Variants in TANC2 observed in about 807,000 individuals in gnomAD.
The protein encoded by TANC2 is tetratricopeptide repeat, ankyrin repeat and coiled-coil containing 2.
A neutral mutation model predicts 210.5 loss-of-function variants in TANC2; 26 were observed. The ratio of observed to expected loss-of-function variants is 0.12; its 90% CI spans 0.09 to 0.17. The LOEUF is 0.17. Among genes scored for constraint, TANC2 ranks in the 10% least tolerant of loss-of-function variants. The pLI is 1.00. For synonymous variants in TANC2, 931 were observed against 967.1 expected (o/e 0.96, Z 0.69); for missense variants, 2,129 against 2,608.9 (o/e 0.82, Z 4.01).
At chr17:63,392,257 T>C (rs913696083) in intron 17 of TANC2, among the ~76,000 whole-genome samples, 1 of 152,244 alleles carries the variant, frequency 6.6e-6, no homozygotes, top group Non-Finnish European at 1.5e-5. Flanking sequence ...GTTTTTGAGC[T>C]GTAGTTTCAC....
At chr17:63,077,555 A>G (rs894221613) in intron 3 of TANC2, among the ~76,000 whole-genome samples, 2 of 152,184 alleles carry the variant, frequency 1.3e-5, no homozygotes, top group African/African-American at 4.8e-5. Flanking sequence ...TAGAAACCTG[A>G]TGCAATTAAT....
chr17:63,027,855 C>T (rs528754602), intron 2 of TANC2, among the ~76,000 whole-genome samples: 19 of 152,022 alleles, frequency 1.2e-4, no homozygotes, highest in African/African-American at 3.9e-4. Context: ...TTATTCCTTA[C>T]GTTAAAGAAA....
chr17:63,075,526 G>T (rs2144669133), intron 3 of TANC2, among the ~76,000 whole-genome samples: 1 of 150,534 alleles, frequency 6.6e-6, no homozygotes, highest in South Asian at 2.1e-4. Context: ...TTATTCAAAA[G>T]AAATATATAT....
intron 5 of TANC2, among the ~76,000 whole-genome samples, chr17:63,160,441 CTT>C (rs1400461319): frequency 1.3e-5 from 2 of 152,146 alleles, no homozygotes; most frequent in Non-Finnish European, 2.9e-5. Flanking sequence ...TTGAAATTGA[CTT>C]TTTAAAATTA....
intron 12 of TANC2, among the ~76,000 whole-genome samples, chr17:63,345,707 G>A (rs546482038): frequency 6.6e-6 from 1 of 151,266 alleles, no homozygotes; most frequent in African/African-American, 2.4e-5. Flanking sequence ...ACCAAAAATA[G>A]CCAAAACATT....
intron 1 of TANC2, chr17:63,004,732 C>A: frequency 3.1e-6 from 1 of 325,896 alleles, no homozygotes; most frequent in South Asian, 3.2e-5. Context: ...CCGGCAGCTT[C>A]AGCTTTCAGT....
chr17:63,237,895 A>T lies in TANC2; in HGVS notation c.851A>T (p.Asn284Ile), dbSNP rs549495715. 7.0e-6 allele frequency: 11 copies of T among 1,570,624 alleles called. No individual in the cohort carries two copies. In the South Asian group the frequency reaches 1.2e-4, roughly 17 times the overall value. The change falls in exon 8 of 28, where the codon AAC (asparagine) becomes ATC (isoleucine). Residue 284 changes from asparagine (N) to isoleucine (I), a missense_variant. Coordinates refer to ENST00000689528, the Ensembl canonical transcript of TANC2. Reference sequence around the variant, plus strand: ...AGTAAAGAATTAGGATCTGGAGGAAACATAAAACCTTGGCAGTCTCAAAAA... The same window carrying T: ...AGTAAAGAATTAGGATCTGGAGGAATCATAAAACCTTGGCAGTCTCAAAAA...
At chr17:63,233,908 A>C (rs1239869470) in intron 7 of TANC2, among the ~76,000 whole-genome samples, 1 of 152,192 alleles carries the variant, frequency 6.6e-6, no homozygotes, top group East Asian at 1.9e-4. Flanking sequence ...TCTGGGTTAG[A>C]TTTCTGTCTC....
intron 8 of TANC2, among the ~76,000 whole-genome samples, chr17:63,242,556 C>T (rs1231930324): frequency 6.6e-6 from 1 of 152,006 alleles, no homozygotes; most frequent in Non-Finnish European, 1.5e-5. Context: ...TCCAGGGGTT[C>T]TGGAGCTAAT....
At chr17:63,104,573 A>G (rs1437696446) in intron 4 of TANC2, among the ~76,000 whole-genome samples, 2 of 152,186 alleles carry the variant, frequency 1.3e-5, no homozygotes, top group Non-Finnish European at 2.9e-5. Flanking sequence ...ATGTGTATGT[A>G]TGTGCGTACT....
At chr17:63,177,991 T>G (rs909239172) in intron 5 of TANC2, among the ~76,000 whole-genome samples, 9 of 152,220 alleles carry the variant, frequency 5.9e-5, no homozygotes, top group African/African-American at 2.2e-4. Context: ...TCTTCCCTCT[T>G]CTATTATGCT....
intron 5 of TANC2, among the ~76,000 whole-genome samples, chr17:63,164,751 A>C (rs571339201): frequency 1.3e-5 from 2 of 152,290 alleles, no homozygotes; most frequent in African/African-American, 2.4e-5. Flanking sequence ...GAGCAAGAGA[A>C]GATAGATGTC....
At position 63,082,356 on chromosome 17, in the gene TANC2, A is replaced by G. The variant is rs541127209; in HGVS notation, c.139+8342A>G. ...CTATTGGTAAAGCCTGGGGAAAATT[A>G]TTATAGAGTTGATACATTTTTTGTT... is the stretch of plus-strand genomic sequence containing the variant. On this transcript the variant is annotated intron_variant, in intron 3 of 27. Coordinates refer to ENST00000689528, the Ensembl canonical transcript of TANC2. 6.6e-5 allele frequency among the ~76,000 whole-genome samples: 10 copies of G among 152,314 alleles called. No individual in the cohort carries two copies. In the South Asian group the frequency reaches 2.1e-3, roughly 32 times the overall value.
At chr17:63,041,410 TACAGC>T (rs2144262976) in intron 2 of TANC2, among the ~76,000 whole-genome samples, 1 of 152,244 alleles carries the variant, frequency 6.6e-6, no homozygotes, top group Admixed American at 6.5e-5. Flanking sequence ...CCTCACAAGA[TACAGC>T]AGCCTCGAAA....
chr17:63,064,002 A>G (rs920805916), intron 2 of TANC2, among the ~76,000 whole-genome samples: 1 of 152,186 alleles, frequency 6.6e-6, no homozygotes, highest in Non-Finnish European at 1.5e-5. Context: ...TTCAATATAT[A>G]TATGGACAGG....
intron 4 of TANC2, among the ~76,000 whole-genome samples, chr17:63,118,651 C>T (rs2038342087): frequency 6.6e-6 from 1 of 152,128 alleles, no homozygotes; most frequent in Non-Finnish European, 1.5e-5. Flanking sequence ...ACAGGGTTGC[C>T]CAGGTTGGAG....
intron 2 of TANC2, among the ~76,000 whole-genome samples, chr17:63,046,325 CTTTTTTTT>C (rs57550590): frequency 6.8e-5 from 3 of 44,140 alleles, no homozygotes; most frequent in Admixed American, 3.9e-4. Context: ...ACACCCAGCT[CTTTTTTTT>C]TTTTTTTTTT....
intron 9 of TANC2, among the ~76,000 whole-genome samples, chr17:63,271,614 C>A (rs188655664): frequency 2.6e-4 from 39 of 151,548 alleles, no homozygotes; most frequent in Middle Eastern, 6.8e-3. Context: ...CCTTGCCCCC[C>A]CCATCCCCCA....
chr17:63,388,557 A>G (rs1392382965), intron 15 of TANC2, 78 bp from the exon 16 acceptor site: 3 of 1,457,740 alleles, frequency 2.1e-6, no homozygotes, highest in Non-Finnish European at 2.8e-6. Flanking sequence ...TACCAAAAAC[A>G]AAGAGGCCAC....
Sources: gnomAD v4.1 joint callset for allele counts (sites outside exome capture counted in the v4.1 genomes callset) on GRCh38, gnomAD v4.1.1 for gene constraint, MANE v1.5 for transcripts, NCBI Gene and HGNC (gene_info 2026-07-23, HGNC 2026-07-21) for gene names.